The following ASTN2 variants were observed in gnomAD, a reference collection of about 807,000 sequenced individuals.
ASTN2 encodes astrotactin-2.
ASTN2 carries 54 observed loss-of-function variants against 139.8 expected under a neutral mutation model. The ratio of observed to expected loss-of-function variants is 0.39; its 90% CI spans 0.31 to 0.48. The LOEUF (loss-of-function observed/expected upper bound fraction) is 0.48. ASTN2 is among the 20% of genes least tolerant of loss of function. The probability of loss-of-function intolerance (pLI) is 0.95; values close to 1 mark genes in which losing one functional copy is unlikely to be tolerated. For synonymous variants in ASTN2, 756 were observed against 719.5 expected (o/e 1.05, Z -0.81); for missense variants, 1,565 against 1,725.1 (o/e 0.91, Z 1.64).
chr9:117,229,119 C>T (rs1010641284), intron 2 of ASTN2, among the ~76,000 whole-genome samples: 5 of 152,186 alleles, frequency 3.3e-5, no homozygotes, highest in African/African-American at 1.2e-4. Context: ...TTAACAACTC[C>T]TCTCATCCCT....
In ASTN2 at chr9:116,423,201, T is replaced by A. The variant is rs987002225; in HGVS notation, c.*2650A>T. Among the ~76,000 whole-genome samples the A allele has an allele frequency of 4.6e-5, 7 of 152,152 alleles. No individual in the cohort carries two copies. The highest frequency in any genetic ancestry group is 1.0e-4 in the Non-Finnish European group (7 of 68,024). Reference sequence around the variant, plus strand: ...GATGTCTGCCCAAGACTCACAGTATTATGCATATTGTCTCCATCAGGAGAA... The same window carrying A: ...GATGTCTGCCCAAGACTCACAGTATAATGCATATTGTCTCCATCAGGAGAA... On this transcript the variant is annotated 3_prime_UTR_variant, in exon 23 of 23. Coordinates refer to ENST00000313400, the MANE Select transcript of ASTN2 (RefSeq NM_001365068.1).
chr9:116,534,439 T>C (rs536338496), intron 19 of ASTN2, among the ~76,000 whole-genome samples: 72 of 152,326 alleles, frequency 4.7e-4, no homozygotes, highest in African/African-American at 1.7e-3. Context: ...CTCTAGTTCT[T>C]TTAATTATGA....
At chr9:116,522,057 T>G (rs777315932) in intron 19 of ASTN2, among the ~76,000 whole-genome samples, 18 of 152,188 alleles carry the variant, frequency 1.2e-4, no homozygotes, top group Non-Finnish European at 2.5e-4. Flanking sequence ...ACTTTTACAT[T>G]GTTGGTGGGA....
At chr9:116,887,417 G>A (rs944673156) in intron 10 of ASTN2, among the ~76,000 whole-genome samples, 17 of 151,714 alleles carry the variant, frequency 1.1e-4, no homozygotes, top group Admixed American at 2.6e-4. Context: ...TTTGGACAGA[G>A]GGAGAAAGGG....
At position 116,645,655 on chromosome 9, in the gene ASTN2, G is replaced by C. The variant is rs985837956; in HGVS notation, c.3072+5873C>G. Among the ~76,000 whole-genome samples the C allele has an allele frequency of 9.9e-5, 15 of 152,234 alleles. No homozygotes were observed. In the East Asian group the frequency reaches 2.9e-3, roughly 29 times the overall value. On this transcript the variant is annotated intron_variant, in intron 17 of 22. Coordinates refer to ENST00000313400, the MANE Select transcript of ASTN2 (RefSeq NM_001365068.1). ...TTTTACTCAGAGCCTCTACTCCAGG[G>C]GTAGGGAGTTCTCATACAGAGGAAC...
chr9:116,572,187 C>T lies in ASTN2; in HGVS notation c.3355+46137G>A, dbSNP rs574910762. 2.4e-3 allele frequency among the ~76,000 whole-genome samples: 373 copies of T among 152,284 alleles called. 1 individual carries two copies. The highest frequency in any genetic ancestry group is 8.5e-3 in the African/African-American group (355 of 41,540). On this transcript the variant is annotated intron_variant, in intron 19 of 22. Transcript: ENST00000313400. Reference sequence around the variant, plus strand: ...TCCTCCTCCCCTTCGGGTGCCCCAGCCTCTCTCCCTGCCTTCTCCTCCCCA... The same window carrying T: ...TCCTCCTCCCCTTCGGGTGCCCCAGTCTCTCTCCCTGCCTTCTCCTCCCCA...
intron 11 of ASTN2, among the ~76,000 whole-genome samples, chr9:116,850,382 C>T (rs1832566538): frequency 6.6e-6 from 1 of 152,216 alleles, no homozygotes; most frequent in African/African-American, 2.4e-5. Flanking sequence ...TGCCCAATGT[C>T]ATCAACTAGA....
In ASTN2 at chr9:116,871,249, C is replaced by G. The variant is rs535826606; in HGVS notation, c.1890-7516G>C. ...CTGCAGCCTGGGCAACAAAGCGAGA[C>G]TCCGTCTCAAAATAAATAAATAAAT... On this transcript the variant is annotated intron_variant, in intron 10 of 22. Coordinates refer to ENST00000313400, the MANE Select transcript of ASTN2 (RefSeq NM_001365068.1). 2.6e-5 allele frequency among the ~76,000 whole-genome samples: 4 copies of G among 152,238 alleles called. No homozygotes were observed. In the East Asian group the frequency reaches 7.7e-4, roughly 29 times the overall value.
chr9:117,130,897 C>T lies in ASTN2; in HGVS notation c.1168+10429G>A, dbSNP rs566942323. Reference sequence around the variant, plus strand: ...TTCCCCTTCCCCTTCTCCCTGAGCACCTATTTGTGGCATGCTTGAAAACAT... The same window carrying T: ...TTCCCCTTCCCCTTCTCCCTGAGCATCTATTTGTGGCATGCTTGAAAACAT... On this transcript the variant is annotated intron_variant, in intron 4 of 22. Coordinates refer to ENST00000313400, the MANE Select transcript of ASTN2 (RefSeq NM_001365068.1). Among the ~76,000 whole-genome samples the T allele has an allele frequency of 5.3e-5, 8 of 152,314 alleles. No homozygotes were observed. The South Asian group carries it at 1.7e-3, about 32-fold the overall frequency.
chr9:117,169,829 A>G (rs1298646259), intron 3 of ASTN2, among the ~76,000 whole-genome samples: 1 of 152,158 alleles, frequency 6.6e-6, no homozygotes, highest in Non-Finnish European at 1.5e-5. Flanking sequence ...GGGAGTTCCC[A>G]ACAAAAGCAA....
chr9:117,154,490 G>A (rs1025781152), intron 3 of ASTN2, among the ~76,000 whole-genome samples: 1 of 151,952 alleles, frequency 6.6e-6, no homozygotes, highest in Non-Finnish European at 1.5e-5. Context: ...TGTGACTTTG[G>A]ACACTTCACC....
Position 116,947,486 on chromosome 9 carries a change from C to T in ASTN2, c.1889+27722G>A, listed in dbSNP as rs180809522. On this transcript the variant is annotated intron_variant, in intron 10 of 22. Coordinates refer to ENST00000313400, the MANE Select transcript of ASTN2 (RefSeq NM_001365068.1). ...TTTCTATTCTCTGTTTCAGCATATCCCAGATCTGTATACTCCCTCCTAAAA... is the reference window on the plus strand; with the variant it reads ...TTTCTATTCTCTGTTTCAGCATATCTCAGATCTGTATACTCCCTCCTAAAA... Among the ~76,000 whole-genome samples the T allele has an allele frequency of 2.3e-4, 35 of 152,196 alleles. No homozygotes were observed. In the East Asian group the frequency reaches 6.0e-3, roughly 26 times the overall value.
intron 10 of ASTN2, among the ~76,000 whole-genome samples, chr9:116,938,051 T>C (rs548826194): frequency 3.3e-5 from 5 of 152,334 alleles, no homozygotes; most frequent in Admixed American, 3.3e-4. Flanking sequence ...GCACGCGAGG[T>C]TTAAGTTGGT....
chr9:116,700,472 A>AAAC (rs1375364646), intron 16 of ASTN2: 9 of 167,178 alleles, frequency 5.4e-5, no homozygotes, highest in African/African-American at 2.2e-4. Flanking sequence ...GGGAATAAGC[A>AAAC]AACAAATGCT....
At chr9:116,513,934 G>T (rs540358232) in intron 19 of ASTN2, among the ~76,000 whole-genome samples, 1 of 151,664 alleles carries the variant, frequency 6.6e-6, no homozygotes, top group Non-Finnish European at 1.5e-5. Context: ...TCTTCTTTGC[G>T]ATGGGTTCGA....
At chr9:116,881,452 C>A (rs977928888) in intron 10 of ASTN2, among the ~76,000 whole-genome samples, 1 of 152,156 alleles carries the variant, frequency 6.6e-6, no homozygotes, top group Admixed American at 6.5e-5. Flanking sequence ...ACTGTGTGAC[C>A]TCTTGAAGGT....
intron 19 of ASTN2, among the ~76,000 whole-genome samples, chr9:116,587,503 T>C (rs923389948): frequency 2.0e-5 from 3 of 152,072 alleles, no homozygotes; most frequent in Admixed American, 6.6e-5. Flanking sequence ...TAGTGAGCCA[T>C]GTGATTTATT....
intron 12 of ASTN2, among the ~76,000 whole-genome samples, chr9:116,815,816 A>AAAAGAAAAAC (rs1831308220): frequency 7.1e-6 from 1 of 140,982 alleles, no homozygotes; most frequent in African/African-American, 2.9e-5. Flanking sequence ...AAAAAAAAAA[A>AAAAGAAAAAC]AAAAAAAAAA....
chr9:116,437,286 G>A, intron 22 of ASTN2: 1 of 471,186 alleles, frequency 2.1e-6, no homozygotes, highest in Non-Finnish European at 4.4e-6. Context: ...AGAGCCCAGG[G>A]TTGCACAGTG....
Sources: allele counts gnomAD v4.1 joint callset (sites outside exome capture counted in the v4.1 genomes callset), GRCh38; gene constraint gnomAD v4.1.1; transcripts MANE v1.5; gene names NCBI Gene and HGNC (gene_info 2026-07-23, HGNC 2026-07-21).